The following CCDC63 variants were observed in gnomAD, a reference collection of about 807,000 sequenced individuals.
The protein encoded by CCDC63 is coiled-coil domain-containing protein 63.
CCDC63 carries 54 observed loss-of-function variants against 63.6 expected under a neutral mutation model. The ratio of observed to expected loss-of-function variants is 0.85; its 90% CI spans 0.68 to 1.07. CCDC63 has a LOEUF of 1.07. Ranked by LOEUF, CCDC63 falls within the 50% of genes least tolerant of loss-of-function variation. The pLI is 0.00. For missense variants in CCDC63, 637 were observed against 689.6 expected (o/e 0.92, Z 0.86); for synonymous variants, 253 against 266.1 (o/e 0.95, Z 0.48).
At chr12:110,851,306 G>A (rs1466496077) in intron 1 of CCDC63, among the ~76,000 whole-genome samples, 3 of 152,102 alleles carry the variant, frequency 2.0e-5, no homozygotes, top group Admixed American at 2.0e-4. Flanking sequence ...TCTTCATTTT[G>A]TCTTCTCTCC....
In CCDC63 at chr12:110,904,781, G is replaced by A. The variant is rs775250425; in HGVS notation, c.1536G>A (p.Arg512=). 1.9e-6 allele frequency: 3 copies of A among 1,608,662 alleles called. No homozygotes were observed. The African/African-American group carries it at 4.0e-5, about 22-fold the overall frequency. The part of the protein sequence containing the change: ...PVLGADPFSD[R]LDDVEQPLDH... ...TGGGGGCTGACCCCTTCAGCGACAG[G>A]TTGGATGATGGTGAGTTCTCTCTCT... The change falls in exon 11 of 12, where the codon AGG becomes AGA. Residue 512 remains arginine, a synonymous_variant. Coordinates refer to ENST00000308208, the MANE Select transcript of CCDC63 (RefSeq NM_152591.3).
At chr12:110,853,006 G>A (rs772012455) in intron 2 of CCDC63, 43 bp downstream of exon 2, 1 of 1,594,456 alleles carries the variant, frequency 6.3e-7, no homozygotes, top group Non-Finnish European at 8.6e-7. Flanking sequence ...CTACTATGGG[G>A]TCAGGCACTG....
intron 8 of CCDC63, among the ~76,000 whole-genome samples, chr12:110,885,485 A>G (rs1160283268): frequency 6.6e-6 from 1 of 152,178 alleles, no homozygotes; most frequent in Non-Finnish European, 1.5e-5. Context: ...TTAGTGTGAC[A>G]TTCCAGCCCC....
chr12:110,880,437 C>A (rs2071185011), intron 6 of CCDC63, among the ~76,000 whole-genome samples: 1 of 152,082 alleles, frequency 6.6e-6, no homozygotes. Flanking sequence ...GTGCCCCTGC[C>A]TCTAGTCCAA....
intron 5 of CCDC63, among the ~76,000 whole-genome samples, chr12:110,875,694 G>A (rs1566126401): frequency 6.6e-6 from 1 of 152,166 alleles, no homozygotes; most frequent in Non-Finnish European, 1.5e-5. Flanking sequence ...CATAAGATCT[G>A]TAGTAATGCT....
chr12:110,884,662 C>T (rs748867218), intron 8 of CCDC63, among the ~76,000 whole-genome samples: 9 of 151,978 alleles, frequency 5.9e-5, no homozygotes, highest in African/African-American at 2.2e-4. Flanking sequence ...AAGTGTGAAA[C>T]GTTGCACCCA....
At chr12:110,888,218 G>C (rs180804143) in intron 8 of CCDC63, among the ~76,000 whole-genome samples, 1 of 152,174 alleles carries the variant, frequency 6.6e-6, no homozygotes, top group Non-Finnish European at 1.5e-5. Flanking sequence ...CGGTATTGCA[G>C]GGAAGGTCTT....
Position 110,847,462 on chromosome 12 carries a change from G to T in CCDC63, c.-97+357G>T, listed in dbSNP as rs568665043. Among the ~76,000 whole-genome samples, 274 of 152,004 alleles carry T rather than the reference G, an allele frequency of 1.8e-3. 2 individuals carry two copies. Among genetic ancestry groups the T allele is most frequent in the Non-Finnish European group, 6.2e-4 (42 of 67,980 alleles). ...CCAGCTTCTTGGGAGGCTGAAGGGG[G>T]AGGATCGCTTAAGCCCGGGAAGGTT... On this transcript the variant is annotated intron_variant, in intron 1 of 11. Coordinates refer to ENST00000308208, the MANE Select transcript of CCDC63 (RefSeq NM_152591.3).
intron 8 of CCDC63, among the ~76,000 whole-genome samples, chr12:110,890,144 A>G (rs1453985050): frequency 2.0e-5 from 3 of 152,064 alleles, no homozygotes; most frequent in Admixed American, 1.3e-4. Flanking sequence ...AATACAAGAC[A>G]CAAAAAGAAA....
intron 5 of CCDC63, among the ~76,000 whole-genome samples, chr12:110,875,902 G>A (rs1425136352): frequency 6.6e-6 from 1 of 151,960 alleles, no homozygotes; most frequent in Non-Finnish European, 1.5e-5. Context: ...GGTCAGCCTG[G>A]CCACCATGGT....
chr12:110,858,907 T>C, intron 4 of CCDC63, 132 bp downstream of exon 4: 2 of 695,760 alleles, frequency 2.9e-6, no homozygotes, highest in Non-Finnish European at 4.8e-6. Flanking sequence ...GCCCGCTAAA[T>C]GTGACTGCTG....
At chr12:110,848,219 C>T (rs545597348) in intron 1 of CCDC63, among the ~76,000 whole-genome samples, 1 of 152,342 alleles carries the variant, frequency 6.6e-6, no homozygotes, top group East Asian at 1.9e-4. Context: ...AGAGTGAGTG[C>T]ATGACCCACA....
At chr12:110,853,949 C>G (rs908411217) in intron 3 of CCDC63, among the ~76,000 whole-genome samples, 1 of 152,214 alleles carries the variant, frequency 6.6e-6, no homozygotes, top group Admixed American at 6.5e-5. Context: ...CTCCAGCTCT[C>G]AAGTTTACCA....
At chr12:110,901,318 C>T (rs1323823814) in intron 10 of CCDC63, among the ~76,000 whole-genome samples, 1 of 152,104 alleles carries the variant, frequency 6.6e-6, no homozygotes, top group Non-Finnish European at 1.5e-5. Flanking sequence ...TTAAAATGTA[C>T]AATTACATTA....
chr12:110,900,181 C>T (rs2071469395), intron 10 of CCDC63, among the ~76,000 whole-genome samples: 1 of 151,986 alleles, frequency 6.6e-6, no homozygotes, highest in Non-Finnish European at 1.5e-5. Flanking sequence ...CCACTGCACT[C>T]CAGCCTGGGT....
At chr12:110,857,023 G>A (rs542831034) in intron 3 of CCDC63, among the ~76,000 whole-genome samples, 21 of 151,216 alleles carry the variant, frequency 1.4e-4, no homozygotes, top group East Asian at 1.2e-3. Flanking sequence ...CAGGCTGGTC[G>A]CAAACTCCTG....
At chr12:110,849,563 A>C (rs1319456667) in intron 1 of CCDC63, among the ~76,000 whole-genome samples, 1 of 142,008 alleles carries the variant, frequency 7.0e-6, no homozygotes, top group Non-Finnish European at 1.5e-5. Context: ...CAGTGGTGCG[A>C]TCTCAGCTCA....
At position 110,865,464 on chromosome 12, in the gene CCDC63, C is replaced by CAAAAA. The variant is rs10585238; in HGVS notation, c.369+6703_369+6707dup. The stretch of plus-strand genomic sequence containing the variant: ...TAATTGATAGATGTTCAGCATATAC[C>CAAAAA]AAAAAAAAAAAAAAAAAAGAAAAAA... On this transcript the variant is annotated intron_variant, in intron 4 of 11. Transcript: ENST00000308208. Among the ~76,000 whole-genome samples the CAAAAA allele has an allele frequency of 4.1e-3, 422 of 102,168 alleles. 3 individuals are homozygous for CAAAAA. The highest frequency in any genetic ancestry group is 0.012 in the East Asian group (36 of 3,062). 67.0% of individuals were successfully genotyped at this position (102,168 alleles called of 152,430 possible).
chr12:110,862,886 G>C (rs957933261), intron 4 of CCDC63, among the ~76,000 whole-genome samples: 4 of 151,912 alleles, frequency 2.6e-5, no homozygotes, highest in Admixed American at 6.6e-5. Context: ...CTCCTGAGTA[G>C]CTAAGATTAC....
Sources: allele counts gnomAD v4.1 joint callset (sites outside exome capture counted in the v4.1 genomes callset), GRCh38; gene constraint gnomAD v4.1.1; transcripts MANE v1.5; gene names NCBI Gene and HGNC (gene_info 2026-07-23, HGNC 2026-07-21).